The following GAL3ST1 variants were observed in gnomAD, a reference collection of about 807,000 sequenced individuals.
The protein encoded by GAL3ST1 is galactosylceramide sulfotransferase.
GAL3ST1 carries 13 observed loss-of-function variants against 25.0 expected under a neutral mutation model. The observed-to-expected ratio is 0.52, with a 90% CI of 0.34 to 0.83. The LOEUF (loss-of-function observed/expected upper bound fraction) is 0.83. Ranked by LOEUF, GAL3ST1 falls within the 40% of genes least tolerant of loss-of-function variation. The pLI, the probability that GAL3ST1 is intolerant of heterozygous loss-of-function variation, is 0.02. For synonymous variants in GAL3ST1, 274 were observed against 277.8 expected (o/e 0.99, Z 0.14); for missense variants, 474 against 613.6 (o/e 0.77, Z 2.40).
chr22:30,554,780 C>T lies in GAL3ST1; in HGVS notation c.*173G>A. ...TAAATACTGATCTCGGTTAGGCCCTCTCTGTGTTCATGGGCCCAGTCTTGG... is the reference window on the plus strand; with the variant it reads ...TAAATACTGATCTCGGTTAGGCCCTTTCTGTGTTCATGGGCCCAGTCTTGG... On this transcript the variant is annotated 3_prime_UTR_variant, in exon 4 of 4. Coordinates refer to ENST00000406361, the MANE Select transcript of GAL3ST1 (RefSeq NM_001318104.2). The T allele has an allele frequency of 1.8e-6, 1 of 550,574 alleles. No homozygotes were observed. The highest frequency in any genetic ancestry group is 3.2e-6 in the Non-Finnish European group (1 of 315,476). 34.1% of individuals were successfully genotyped at this position (550,574 alleles called of 1,614,324 possible).
intron 2 of GAL3ST1, 114 bp from the exon 3 acceptor site, chr22:30,557,515 G>T (rs4149491): frequency 0.07 from 80,593 of 1,146,890 alleles, 3,465 homozygotes; most frequent in East Asian, 0.15. Flanking sequence ...TGGCCCCCCA[G>T]CAGGGTCCAG....
At chr22:30,573,192 G>C (rs908698265) in intron 1 of GAL3ST1, among the ~76,000 whole-genome samples, 3 of 152,170 alleles carry the variant, frequency 2.0e-5, no homozygotes, top group African/African-American at 7.2e-5. Context: ...GGGAGGCGAG[G>C]GGGGGTGTCC....
At chr22:30,558,602 A>G (rs1392531599) in intron 1 of GAL3ST1, among the ~76,000 whole-genome samples, 1 of 152,068 alleles carries the variant, frequency 6.6e-6, no homozygotes, top group Non-Finnish European at 1.5e-5. Flanking sequence ...GGTGCCCAGT[A>G]AGAGCCCAGG....
chr22:30,569,814 C>A (rs572219207), intron 1 of GAL3ST1, among the ~76,000 whole-genome samples: 107 of 152,330 alleles, frequency 7.0e-4, no homozygotes, highest in African/African-American at 2.5e-3. Context: ...CAGCCGGGCA[C>A]GGTGGCGTGC....
At position 30,555,564 on chromosome 22, in the gene GAL3ST1, C is replaced by T; in HGVS notation, c.661G>A (p.Asp221Asn). ...TCCAGGCTGTTGTCATAGCCCAGGT[C>T]GAAGAAGAGCAGGTTTCGGAGGTAG... ...AHYLRNLLFF[D>N]LGYDNSLDPS... Residue 221 changes from aspartate to asparagine, a missense_variant, in exon 4 of 4, where the codon GAC becomes AAC. Physicochemically the swap from Asp to Asn is conservative, Grantham distance 23. Around this residue, in one of 2 missense-constraint regions of GAL3ST1, gnomAD observed 359 missense variants for 504.4 expected, o/e 0.71. Transcript: ENST00000406361. The surrounding 1 kb of genome is among the most constrained non-coding windows in gnomAD (Gnocchi z 8.6). 1 of 1,613,504 alleles carries T rather than the reference C, an allele frequency of 6.2e-7. No homozygotes were observed. The highest frequency in any genetic ancestry group is 1.1e-5 in the South Asian group (1 of 91,080).
At position 30,570,977 on chromosome 22, in the gene GAL3ST1, T is replaced by TACACACACAC. The variant is rs67031445; in HGVS notation, c.-120+3479_-120+3488dup. ...GGAACATATTTTGATTCTGTGATGA[T>TACACACACAC]ACACACACACACACACACACACACA... On this transcript the variant is annotated intron_variant, in intron 1 of 3. Coordinates refer to ENST00000406361, the MANE Select transcript of GAL3ST1 (RefSeq NM_001318104.2). 3.7e-3 allele frequency among the ~76,000 whole-genome samples: 535 copies of TACACACACAC among 146,172 alleles called. 7 individuals are homozygous for TACACACACAC. In the East Asian group the frequency reaches 0.049, roughly 13 times the overall value.
chr22:30,566,830 C>T (rs1424382821), intron 1 of GAL3ST1, among the ~76,000 whole-genome samples: 3 of 152,110 alleles, frequency 2.0e-5, no homozygotes, highest in Admixed American at 6.5e-5. Context: ...AGGATGGTCT[C>T]GATCTCCTGA....
intron 1 of GAL3ST1, among the ~76,000 whole-genome samples, chr22:30,572,476 A>G (rs1489419452): frequency 6.6e-6 from 1 of 152,102 alleles, no homozygotes; most frequent in African/African-American, 2.4e-5. Flanking sequence ...TGATGCTTTC[A>G]CAGGCCTGCT....
intron 1 of GAL3ST1, among the ~76,000 whole-genome samples, chr22:30,564,065 C>T (rs1327896101): frequency 1.3e-5 from 2 of 152,128 alleles, no homozygotes; most frequent in East Asian, 3.9e-4. Context: ...ATCTGAAATC[C>T]GAAACACTTC....
In GAL3ST1 at chr22:30,573,143, C is replaced by T. The variant is rs1017383334; in HGVS notation, c.-120+1323G>A. 4.5e-4 allele frequency among the ~76,000 whole-genome samples: 69 copies of T among 152,186 alleles called. 2 individuals are homozygous for T. The highest frequency in any genetic ancestry group is 1.5e-5 in the Non-Finnish European group (1 of 68,026). On this transcript the variant is annotated intron_variant, in intron 1 of 3. Transcript: ENST00000406361. ...TTGTCTCGGCTCCCGGGGTAGCAGC[C>T]TGCTCACCCGCTGAAGTGTCAGGCG...
At chr22:30,573,103 G>A (rs2086826764) in intron 1 of GAL3ST1, among the ~76,000 whole-genome samples, 1 of 152,172 alleles carries the variant, frequency 6.6e-6, no homozygotes, top group Middle Eastern at 3.2e-3. Context: ...GGTGGCAGCT[G>A]GGAACAGGGC....
In GAL3ST1 at chr22:30,554,918, G is replaced by A; in HGVS notation, c.*35C>T. The A allele has an allele frequency of 6.7e-7, 1 of 1,487,588 alleles. No individual in the cohort carries two copies. Among genetic ancestry groups the A allele is most frequent in the Middle Eastern group, 1.9e-4 (1 of 5,404 alleles). The allele number at this position is 1,487,588 out of a possible 1,614,324, so 92.1% of individuals were successfully genotyped here. Reference sequence around the variant, plus strand: ...GTCCTGCTCAGCCCCTCTGCAGGGAGCGAGCAGGCAGGCAAGCCGCTGGGC... The same window carrying A: ...GTCCTGCTCAGCCCCTCTGCAGGGAACGAGCAGGCAGGCAAGCCGCTGGGC... On this transcript the variant is annotated 3_prime_UTR_variant, in exon 4 of 4. Transcript: ENST00000406361.
chr22:30,565,016 G>C (rs2086580724), intron 1 of GAL3ST1: 1 of 152,396 alleles, frequency 6.6e-6, no homozygotes, highest in Non-Finnish European at 1.5e-5. Context: ...GCACACCCCA[G>C]TACCCTGCAG....
chr22:30,563,891 G>C (rs890782222), intron 1 of GAL3ST1, among the ~76,000 whole-genome samples: 1 of 149,686 alleles, frequency 6.7e-6, no homozygotes, highest in African/African-American at 2.5e-5. Flanking sequence ...ACTCCAGCCT[G>C]GGCGACAGAG....
chr22:30,567,917 A>C (rs2086672023), intron 1 of GAL3ST1, among the ~76,000 whole-genome samples: 1 of 152,120 alleles, frequency 6.6e-6, no homozygotes, highest in African/African-American at 2.4e-5. Context: ...TTCTGACCTC[A>C]AGTGATCCAC....
chr22:30,573,361 G>C (rs1319946933), intron 1 of GAL3ST1, among the ~76,000 whole-genome samples: 1 of 152,182 alleles, frequency 6.6e-6, no homozygotes, highest in Non-Finnish European at 1.5e-5. Flanking sequence ...ATGTGACCTT[G>C]GACAAGTCAT....
At chr22:30,556,125 A>AG (rs753959112) in intron 3 of GAL3ST1, 32 bp from the exon 4 acceptor site, 6 of 1,565,558 alleles carry the variant, frequency 3.8e-6, no homozygotes, top group Admixed American at 1.7e-5. Flanking sequence ...GGAGAGCCTC[A>AG]GGGGGGTGCT....
chr22:30,571,050 T>C (rs1329846169), intron 1 of GAL3ST1, among the ~76,000 whole-genome samples: 4 of 151,928 alleles, frequency 2.6e-5, no homozygotes, highest in Non-Finnish European at 5.9e-5. Context: ...TTTGGAAAGA[T>C]AAATAAAGAT....
At chr22:30,566,765 ATG>A (rs2086637039) in intron 1 of GAL3ST1, among the ~76,000 whole-genome samples, 1 of 151,520 alleles carries the variant, frequency 6.6e-6, no homozygotes, top group Non-Finnish European at 1.5e-5. Flanking sequence ...ACCCTCCACC[ATG>A]CTCGGCTAAT....
Sources: gnomAD v4.1 joint callset for allele counts (sites outside exome capture counted in the v4.1 genomes callset) on GRCh38, gnomAD v4.1.1 for gene constraint, gnomAD v4.1.1 regional missense constraint, Gnocchi (gnomAD v3.1) non-coding constraint, MANE v1.5 for transcripts, NCBI Gene and HGNC (gene_info 2026-07-23, HGNC 2026-07-21) for gene names.